RTN4: variants seen among roughly 807,000 people sequenced by gnomAD.
RTN4 encodes the protein reticulon-4.
A neutral mutation model predicts 90.4 loss-of-function variants in RTN4; 32 were observed. The observed-to-expected ratio is 0.35, with a 90% CI of 0.27 to 0.48. The LOEUF (loss-of-function observed/expected upper bound fraction) is 0.48, where lower values mean the gene tolerates loss of function less well. RTN4 is among the 20% of genes least tolerant of loss of function. The pLI, the probability that RTN4 is intolerant of heterozygous loss-of-function variation, is 0.99. For synonymous variants in RTN4, 629 were observed against 552.5 expected (o/e 1.14, Z -1.94); for missense variants, 1,706 against 1,430.2 (o/e 1.19, Z -3.11).
At chr2:55,082,515 C>T (rs1573505743) in intron 1 of RTN4, among the ~76,000 whole-genome samples, 2 of 152,194 alleles carry the variant, frequency 1.3e-5, no homozygotes, top group African/African-American at 4.8e-5. Flanking sequence ...CAGGTAGAGA[C>T]CAATCTATAA....
chr2:55,054,391 G>C (rs1668153740), upstream of RTN4, among the ~76,000 whole-genome samples: 1 of 152,160 alleles, frequency 6.6e-6, no homozygotes, highest in South Asian at 2.1e-4. Context: ...TCAAGACTTT[G>C]AAGAATACAG....
chr2:54,989,669 G>T (rs1484097937), intron 3 of RTN4, among the ~76,000 whole-genome samples: 3 of 152,076 alleles, frequency 2.0e-5, no homozygotes, highest in African/African-American at 7.2e-5. Flanking sequence ...ACAATTCTAG[G>T]AAAGATAAGA....
chr2:55,089,950 C>A (rs1668908070), intron 1 of RTN4, among the ~76,000 whole-genome samples: 1 of 152,212 alleles, frequency 6.6e-6, no homozygotes, highest in Non-Finnish European at 1.5e-5. Context: ...CTGGTCCCCA[C>A]CCCAAGCAGC....
chr2:55,042,576 A>T (rs1462437764), intron 1 of RTN4, among the ~76,000 whole-genome samples: 2 of 152,232 alleles, frequency 1.3e-5, no homozygotes, highest in Non-Finnish European at 2.9e-5. Context: ...CAATTTGTGG[A>T]AATCTGGGTA....
At position 55,027,109 on chromosome 2, in the gene RTN4, T is replaced by C. The variant is rs1462960405; in HGVS notation, c.990A>G (p.Glu330=). 1.9e-6 allele frequency: 3 copies of C among 1,613,266 alleles called. No homozygotes were observed. The highest frequency in any genetic ancestry group is 2.2e-5 in the East Asian group (1 of 44,856). The part of the protein sequence containing the change: ...REEIIVKNKD[E]EEKLVSNNIL... ...TGTTATTACTAACTAACTTCTCTTC[T>C]TCATCTTTATTTTTCACGATTATTT... is the stretch of plus-strand genomic sequence containing the variant. The change falls in exon 3 of 9, where the codon GAA becomes GAG. Residue 330 remains glutamate (E), a synonymous_variant. Coordinates refer to ENST00000337526, the MANE Select transcript of RTN4 (RefSeq NM_020532.5).
intron 4 of RTN4, among the ~76,000 whole-genome samples, chr2:54,984,144 C>A (rs900684408): frequency 2.6e-5 from 4 of 152,196 alleles, no homozygotes; most frequent in African/African-American, 9.7e-5. Context: ...CTCACCCATA[C>A]ATAGAGCCTT....
chr2:54,994,154 T>C (rs1258449760), intron 3 of RTN4, among the ~76,000 whole-genome samples: 1 of 152,230 alleles, frequency 6.6e-6, no homozygotes. Flanking sequence ...ATATAGTGTT[T>C]TTCTGAGAAA....
Position 55,049,945 on chromosome 2 carries a change from G to GCGGGCACGGTCGACGACAC in RTN4, c.337_355dup (p.Ala119GlyfsTer23). On this transcript the variant is annotated frameshift_variant, in exon 1 of 9. Transcript: ENST00000337526. LOFTEE classifies it high-confidence loss of function. ...TGCGGCAGCAGACAGCGGGGATGGC[G>GCGGGCACGGTCGACGACAC]CGGGCACGGTCGACGACACCGGGCT... 1 of 1,350,850 alleles carries GCGGGCACGGTCGACGACAC rather than the reference G, an allele frequency of 7.4e-7. No individual in the cohort carries two copies. The highest frequency in any genetic ancestry group is 9.5e-7 in the Non-Finnish European group (1 of 1,057,892). The allele number at this position is 1,350,850 out of a possible 1,614,324, so 83.7% of individuals were successfully genotyped here. A position where few individuals can be genotyped will look rare whatever the true frequency, so the allele number is the denominator to read the frequency against.
intron 1 of RTN4, among the ~76,000 whole-genome samples, chr2:55,045,219 A>G (rs1223102348): frequency 1.3e-5 from 2 of 152,222 alleles, no homozygotes; most frequent in Admixed American, 6.5e-5. Context: ...TGGCAATTAA[A>G]TTTTGGCAGT....
At chr2:55,135,939 T>C in the RTN4 span, among the ~76,000 whole-genome samples, 1 of 152,356 alleles carries the variant, frequency 6.6e-6, no homozygotes, top group East Asian at 1.9e-4. Flanking sequence ...ATATCATAGT[T>C]TGTTTATCCA....
the RTN4 span, among the ~76,000 whole-genome samples, chr2:55,124,438 A>G: frequency 6.6e-6 from 1 of 152,256 alleles, no homozygotes; most frequent in East Asian, 1.9e-4. Flanking sequence ...ACCAAGAGCC[A>G]AATCAGAAAG....
rs940333477 is a variant in RTN4 at position 54,990,792 on chromosome 2, C to CT, written c.3014-3095dup. ...GTACCTCAAATATATTTTTCTTTTA[C>CT]TTTTTTTTTTTGAGACAGAGTCTCG... On this transcript the variant is annotated intron_variant, in intron 3 of 8. Coordinates refer to ENST00000337526, the MANE Select transcript of RTN4 (RefSeq NM_020532.5). Among the ~76,000 whole-genome samples, 604 of 147,068 alleles carry CT rather than the reference C, an allele frequency of 4.1e-3. 1 individual carries two copies. The highest frequency in any genetic ancestry group is 0.035 in the Middle Eastern group (10 of 284).
At chr2:55,003,987 G>T (rs1055286997) in intron 3 of RTN4, among the ~76,000 whole-genome samples, 1 of 152,078 alleles carries the variant, frequency 6.6e-6, no homozygotes, top group Non-Finnish European at 1.5e-5. Context: ...GAACTTAGGG[G>T]ACAACCGGAG....
chr2:55,066,970 G>T (rs1668404821), intron 2 of RTN4, among the ~76,000 whole-genome samples: 1 of 152,054 alleles, frequency 6.6e-6, no homozygotes, highest in African/African-American at 2.4e-5. Flanking sequence ...AACCCAATAA[G>T]ATTATCTATG....
rs577268236 is a variant in RTN4, at chr2:54,973,356, A to AATT, written c.3537-161_3537-159dup. ...ATAATTTTGCCACCTTGGCCTCATG[A>AATT]ATTAGATTTAAACAAAGCCTTAAAC... On this transcript the variant is annotated intron_variant, in intron 8 of 8. Transcript: ENST00000337526. Among the ~76,000 whole-genome samples the AATT allele has an allele frequency of 1.2e-3, 178 of 152,334 alleles. 2 individuals are homozygous for AATT. Among genetic ancestry groups the AATT allele is most frequent in the Non-Finnish European group, 1.2e-4 (8 of 68,030 alleles).
At chr2:55,073,489 C>T (rs1668549311) in intron 2 of RTN4, among the ~76,000 whole-genome samples, 1 of 152,166 alleles carries the variant, frequency 6.6e-6, no homozygotes, top group Admixed American at 6.6e-5. Flanking sequence ...GAGAATTTGG[C>T]AGCAAGTTGG....
In RTN4 at chr2:54,973,377, T is replaced by C. The variant is rs535262650; in HGVS notation, c.3537-179A>G. 3.6e-5 allele frequency: 27 copies of C among 758,844 alleles called. 1 individual carries two copies. The highest frequency in any genetic ancestry group is 7.8e-5 in the Admixed American group (3 of 38,256). 47.0% of individuals were successfully genotyped at this position (758,844 alleles called of 1,614,324 possible). ...CATGAATTAGATTTAAACAAAGCCT[T>C]AAACACATAATAAACCCAGAAACGA... On this transcript the variant is annotated intron_variant, in intron 8 of 8. Coordinates refer to ENST00000337526, the MANE Select transcript of RTN4 (RefSeq NM_020532.5).
chr2:55,100,642 C>A (rs73936835), intron 1 of RTN4, among the ~76,000 whole-genome samples: 4,233 of 152,144 alleles, frequency 0.028, 197 homozygotes, highest in African/African-American at 0.096. Flanking sequence ...CAAGAACAGT[C>A]TCTAAAGTAG....
chr2:55,032,073 C>T (rs1234585877), intron 1 of RTN4, among the ~76,000 whole-genome samples: 3 of 151,116 alleles, frequency 2.0e-5, no homozygotes, highest in Admixed American at 6.6e-5. Flanking sequence ...ATAACGTAGA[C>T]GTTGGATTCG....
Sources: allele counts gnomAD v4.1 joint callset (sites outside exome capture counted in the v4.1 genomes callset), GRCh38; gene constraint gnomAD v4.1.1; transcripts MANE v1.5; gene names NCBI Gene and HGNC (gene_info 2026-07-23, HGNC 2026-07-21).